Variants in SLIT2 observed in about 807,000 individuals in gnomAD.
SLIT2 encodes the protein slit homolog 2 protein.
SLIT2 carries 41 observed loss-of-function variants against 185.7 expected under a neutral mutation model. That is an observed-to-expected ratio of 0.22 (90% CI 0.17 to 0.29). The LOEUF is 0.29. Among genes scored for constraint, SLIT2 ranks in the 10% least tolerant of loss-of-function variants. The probability of loss-of-function intolerance (pLI) is 1.00; values close to 1 mark genes in which losing one functional copy is unlikely to be tolerated. For missense variants in SLIT2, 1,571 were observed against 1,909.0 expected (o/e 0.82, Z 3.30); for synonymous variants, 693 against 680.2 (o/e 1.02, Z -0.29).
chr4:20,539,621 C>T, intron 19 of SLIT2, 37 bp downstream of exon 19: 6 of 1,389,764 alleles, frequency 4.3e-6, no homozygotes, highest in Non-Finnish European at 6.0e-6. Flanking sequence ...ATTACTTGAG[C>T]CATTTATTAT....
intron 29 of SLIT2, among the ~76,000 whole-genome samples, chr4:20,588,784 A>G (rs1027414908): frequency 6.6e-6 from 1 of 152,228 alleles, no homozygotes; most frequent in Admixed American, 6.5e-5. Flanking sequence ...CATGTGATTC[A>G]ACAAAGAGTA....
rs538574360 is a variant in SLIT2, at chr4:20,298,505, C to G, written c.395+29624C>G. 3.9e-4 allele frequency among the ~76,000 whole-genome samples: 59 copies of G among 152,286 alleles called. No homozygotes were observed. In the South Asian group the frequency reaches 8.1e-3, roughly 21 times the overall value. The stretch of plus-strand genomic sequence containing the variant: ...CTTATTCAAAAGTCACCAGAGTTCT[C>G]TTGTGGACCTGTGGGAACAGCAGGA... On this transcript the variant is annotated intron_variant, in intron 4 of 36. Coordinates refer to ENST00000504154, the MANE Select transcript of SLIT2 (RefSeq NM_004787.4).
intron 4 of SLIT2, among the ~76,000 whole-genome samples, chr4:20,372,263 A>C (rs1184431842): frequency 6.6e-6 from 1 of 152,048 alleles, no homozygotes; most frequent in Non-Finnish European, 1.5e-5. Context: ...TTTACCTGAC[A>C]TTAAGTGGTG....
At chr4:20,590,370 C>T (rs1359588953) in intron 30 of SLIT2, among the ~76,000 whole-genome samples, 1 of 152,124 alleles carries the variant, frequency 6.6e-6, no homozygotes, top group South Asian at 2.1e-4. Flanking sequence ...CTATGTGCTT[C>T]ATTGTCTGAA....
chr4:20,505,044 A>G (rs1484635750), intron 9 of SLIT2, among the ~76,000 whole-genome samples: 2 of 152,090 alleles, frequency 1.3e-5, no homozygotes, highest in African/African-American at 4.8e-5. Context: ...TCTACCATAT[A>G]TGCTGTAGAC....
At chr4:20,508,430 A>G (rs1719400056) in intron 9 of SLIT2, among the ~76,000 whole-genome samples, 1 of 152,200 alleles carries the variant, frequency 6.6e-6, no homozygotes, top group South Asian at 2.1e-4. Context: ...GAAAGAATTA[A>G]GGAAATAGGG....
chr4:20,283,390 G>C (rs568002815), intron 4 of SLIT2, among the ~76,000 whole-genome samples: 123 of 152,168 alleles, frequency 8.1e-4, no homozygotes, highest in Middle Eastern at 3.4e-3. Flanking sequence ...GGAGATGATT[G>C]GTGGACTTTG....
At position 20,269,024 on chromosome 4, in the gene SLIT2, A is replaced by G; in HGVS notation, c.395+143A>G. The stretch of plus-strand genomic sequence containing the variant: ...TAAAAGTTTGTGTTTTTTCTTTAGG[A>G]AATTTATGATTTGTTTTCTAGTGGT... On this transcript the variant is annotated intron_variant, in intron 4 of 36. Transcript: ENST00000504154. The G allele has an allele frequency of 4.9e-6, 3 of 606,560 alleles. No homozygotes were observed. The East Asian group carries it at 8.4e-5, about 17-fold the overall frequency. The allele number at this position is 606,560 out of a possible 1,614,324, so 37.6% of individuals were successfully genotyped here. A position where few individuals can be genotyped will look rare whatever the true frequency, so the allele number is the denominator to read the frequency against.
intron 4 of SLIT2, among the ~76,000 whole-genome samples, chr4:20,331,935 G>A (rs1393007554): frequency 6.6e-6 from 1 of 152,022 alleles, no homozygotes; most frequent in African/African-American, 2.4e-5. Context: ...TTCTTTCATG[G>A]TTTAGCATAT....
At chr4:20,456,585 C>G (rs1418823996) in intron 4 of SLIT2, among the ~76,000 whole-genome samples, 1 of 152,114 alleles carries the variant, frequency 6.6e-6, no homozygotes, top group Non-Finnish European at 1.5e-5. Context: ...TGATCTTCCT[C>G]AGTATATTGC....
intron 33 of SLIT2, among the ~76,000 whole-genome samples, chr4:20,608,948 C>T (rs953407978): frequency 6.6e-6 from 1 of 152,052 alleles, no homozygotes; most frequent in African/African-American, 2.4e-5. Context: ...CTTTAATAAT[C>T]ACCATTAACT....
intron 4 of SLIT2, among the ~76,000 whole-genome samples, chr4:20,359,977 A>G (rs1439097052): frequency 6.6e-6 from 1 of 152,144 alleles, no homozygotes; most frequent in Non-Finnish European, 1.5e-5. Context: ...TTGAGAAGAA[A>G]GAGTATTCAG....
intron 3 of SLIT2, among the ~76,000 whole-genome samples, chr4:20,262,396 T>C (rs1322926158): frequency 1.3e-5 from 2 of 151,818 alleles, no homozygotes; most frequent in Non-Finnish European, 3.0e-5. Context: ...AAAGAAAGCA[T>C]CATTTATCCT....
intron 4 of SLIT2, among the ~76,000 whole-genome samples, chr4:20,375,211 T>C (rs2109327716): frequency 6.6e-6 from 1 of 152,164 alleles, no homozygotes; most frequent in Non-Finnish European, 1.5e-5. Flanking sequence ...AATAGTAGAG[T>C]GCACATTCAT....
intron 4 of SLIT2, among the ~76,000 whole-genome samples, chr4:20,341,145 T>C (rs368156480): frequency 6.6e-6 from 1 of 152,164 alleles, no homozygotes; most frequent in East Asian, 1.9e-4. Context: ...CCTTGCACTT[T>C]GTAGGAGTAT....
intron 4 of SLIT2, among the ~76,000 whole-genome samples, chr4:20,428,011 A>G (rs1235720135): frequency 1.3e-5 from 2 of 152,148 alleles, no homozygotes; most frequent in Non-Finnish European, 2.9e-5. Context: ...CACTACCACA[A>G]TGCAAAGTCA....
intron 4 of SLIT2, among the ~76,000 whole-genome samples, chr4:20,354,872 G>A (rs547336310): frequency 3.5e-5 from 5 of 144,858 alleles, no homozygotes; most frequent in South Asian, 4.5e-4. Flanking sequence ...AAATGGACAC[G>A]TGTGGCAAGT....
chr4:20,534,975 A>C lies in SLIT2; in HGVS notation c.1832+1260A>C, dbSNP rs189856995. On this transcript the variant is annotated intron_variant, in intron 18 of 36. Transcript: ENST00000504154. ...GCTAACTTGGTGCCCTTTCAAAATG[A>C]TAGGCAAACATTCACTCAGCCTTGT... is the stretch of plus-strand genomic sequence containing the variant. Among the ~76,000 whole-genome samples, 9 of 152,216 alleles carry C rather than the reference A, an allele frequency of 5.9e-5. No individual in the cohort carries two copies. In the East Asian group the frequency reaches 1.7e-3, roughly 29 times the overall value.
At chr4:20,297,938 G>C (rs1225744565) in intron 4 of SLIT2, among the ~76,000 whole-genome samples, 2 of 152,140 alleles carry the variant, frequency 1.3e-5, no homozygotes, top group Admixed American at 6.5e-5. Flanking sequence ...AAACAATGTT[G>C]TAAATATTGG....
Sources: allele counts gnomAD v4.1 joint callset (sites outside exome capture counted in the v4.1 genomes callset), GRCh38; gene constraint gnomAD v4.1.1; transcripts MANE v1.5; gene names NCBI Gene and HGNC (gene_info 2026-07-23, HGNC 2026-07-21).